TTLL8: variants seen among roughly 807,000 people sequenced by gnomAD.
The protein encoded by TTLL8 is protein monoglycylase TTLL8.
A neutral mutation model predicts 77.8 loss-of-function variants in TTLL8; 65 were observed. That is an observed-to-expected ratio of 0.84 (90% CI 0.68 to 1.03). TTLL8 has a LOEUF of 1.03. TTLL8 is among the 50% of genes least tolerant of loss of function. TTLL8 has a pLI of 0.00. For synonymous variants in TTLL8, 402 were observed against 422.8 expected (o/e 0.95, Z 0.60); for missense variants, 910 against 1,004.5 (o/e 0.91, Z 1.27).
At chr22:50,037,531 A>G (rs1464052686) in intron 8 of TTLL8, among the ~76,000 whole-genome samples, 1 of 152,160 alleles carries the variant, frequency 6.6e-6, no homozygotes, top group East Asian at 1.9e-4. Flanking sequence ...AACCTTTCAC[A>G]TATATGATAT....
At chr22:50,049,819 C>T (rs534427052) in intron 2 of TTLL8, among the ~76,000 whole-genome samples, 1 of 152,120 alleles carries the variant, frequency 6.6e-6, no homozygotes, top group African/African-American at 2.4e-5. Context: ...GGAGGGACAG[C>T]TGAGGCCGGG....
At chr22:50,028,453 G>A (rs1011030475) in intron 12 of TTLL8, among the ~76,000 whole-genome samples, 2 of 152,200 alleles carry the variant, frequency 1.3e-5, no homozygotes, top group African/African-American at 2.4e-5. Flanking sequence ...GGCCATAGCC[G>A]CGGGATTGCT....
chr22:50,021,878 ACTTCTC>A, intron 12 of TTLL8, among the ~76,000 whole-genome samples: 1 of 134,224 alleles, frequency 7.5e-6, no homozygotes, highest in South Asian at 2.6e-4. Context: ...GATGACATGC[ACTTCTC>A]CATCTGACGT....
At chr22:50,027,526 T>G in intron 12 of TTLL8, 1 of 678,512 alleles carries the variant, frequency 1.5e-6, no homozygotes, top group Non-Finnish European at 1.7e-6. Context: ...AGAATGAGAC[T>G]CCGTCTCAAA....
intron 12 of TTLL8, among the ~76,000 whole-genome samples, chr22:50,024,902 G>C (rs2061223022): frequency 6.6e-6 from 1 of 152,184 alleles, no homozygotes; most frequent in Admixed American, 6.5e-5. Flanking sequence ...GGCTGCTTTA[G>C]GTGCTGGGCT....
intron 8 of TTLL8, among the ~76,000 whole-genome samples, chr22:50,035,951 G>T (rs1261144976): frequency 1.3e-5 from 2 of 152,222 alleles, no homozygotes; most frequent in South Asian, 2.1e-4. Context: ...CCCCTGCTTT[G>T]GGGGGAGAAG....
At chr22:50,020,928 ACT>A (rs2061193630) in intron 12 of TTLL8, among the ~76,000 whole-genome samples, 1 of 112,534 alleles carries the variant, frequency 8.9e-6, no homozygotes. Flanking sequence ...CTGAATGTGT[ACT>A]CCTCCATCTG....
chr22:50,037,564 T>A (rs1219664216), intron 8 of TTLL8, among the ~76,000 whole-genome samples: 1 of 152,236 alleles, frequency 6.6e-6, no homozygotes, highest in African/African-American at 2.4e-5. Flanking sequence ...TTTGTGTATT[T>A]GTGAAGCAGA....
At chr22:50,022,471 C>T (rs1001058928) in intron 12 of TTLL8, among the ~76,000 whole-genome samples, 23 of 143,964 alleles carry the variant, frequency 1.6e-4, no homozygotes, top group Admixed American at 6.9e-4. Flanking sequence ...CTCCATCTGA[C>T]GTGTACTCCT....
chr22:50,040,401 T>C (rs1379303842), intron 8 of TTLL8, among the ~76,000 whole-genome samples: 3 of 152,268 alleles, frequency 2.0e-5, no homozygotes, highest in Non-Finnish European at 2.9e-5. Context: ...AGATTTCATG[T>C]TGGGCACAAG....
In TTLL8 at chr22:50,034,838, G is replaced by A. The variant is rs2061324860; in HGVS notation, c.922-376C>T. Among the ~76,000 whole-genome samples, 1 of 152,324 alleles carries A rather than the reference G, an allele frequency of 6.6e-6. No homozygotes were observed. Among genetic ancestry groups the A allele is most frequent in the Non-Finnish European group, 1.5e-5 (1 of 68,028 alleles). On this transcript the variant is annotated intron_variant, in intron 8 of 13. Coordinates refer to ENST00000266182, the Ensembl canonical transcript of TTLL8. This position sits in a 1 kb window ranked among gnomAD's most constrained non-coding sequence, Gnocchi z 4.1. ...CCACGCGGAAACGTGGGAGACACAG[G>A]CGGGGGCAGACGCAGCCATGCCCAG...
rs1375735933 is a variant in TTLL8 at position 50,047,306 on chromosome 22, A to G, written c.265-10T>C. 3.7e-6 allele frequency: 5 copies of G among 1,367,414 alleles called. No homozygotes were observed. In the Admixed American group the frequency reaches 7.6e-5, roughly 21 times the overall value. The allele number at this position is 1,367,414 out of a possible 1,614,324, so 84.7% of individuals were successfully genotyped here. A position where few individuals can be genotyped will look rare whatever the true frequency, so the allele number is the denominator to read the frequency against. On this transcript the variant is annotated splice_polypyrimidine_tract_variant and intron_variant, in intron 3 of 13. Coordinates refer to ENST00000266182, the Ensembl canonical transcript of TTLL8. ...TTTTTACCAACCTAGACTGGCAAGA[A>G]AAAAGTCTTTATTGATGCCCAGCAT...
At chr22:50,030,310 G>A in intron 12 of TTLL8, 120 bp downstream of exon 13, 1 of 1,113,242 alleles carries the variant, frequency 9.0e-7, no homozygotes. Flanking sequence ...GACACCCCGG[G>A]CCCCAGCACC....
intron 6 of TTLL8, among the ~76,000 whole-genome samples, chr22:50,042,416 T>C (rs1365883988): frequency 6.6e-6 from 1 of 152,186 alleles, no homozygotes; most frequent in Non-Finnish European, 1.5e-5. Context: ...GTTCAAGTGA[T>C]TCTCCTGCCT....
chr22:50,020,350 C>A lies in TTLL8; in HGVS notation c.2204-3788G>T, dbSNP rs866522802. Among the ~76,000 whole-genome samples, 30 of 109,390 alleles carry A rather than the reference C, an allele frequency of 2.7e-4. No homozygotes were observed. The South Asian group carries it at 7.3e-3, about 27-fold the overall frequency. 71.8% of individuals were successfully genotyped at this position (109,390 alleles called of 152,430 possible). ...ACGTGCACACCTCCATCTAACGTGCCCTCCTCCATCTGATGACGTGCACTC... is the reference window on the plus strand; with the variant it reads ...ACGTGCACACCTCCATCTAACGTGCACTCCTCCATCTGATGACGTGCACTC... On this transcript the variant is annotated intron_variant, in intron 12 of 13. Transcript: ENST00000266182.
intron 8 of TTLL8, among the ~76,000 whole-genome samples, chr22:50,036,002 G>A (rs983677072): frequency 2.6e-5 from 4 of 152,252 alleles, no homozygotes; most frequent in African/African-American, 4.8e-5. Flanking sequence ...GGAGCCCAGC[G>A]GAGCACCGCG....
chr22:50,035,755 C>T (rs2061331667), intron 8 of TTLL8, among the ~76,000 whole-genome samples: 1 of 152,226 alleles, frequency 6.6e-6, no homozygotes, highest in Admixed American at 6.5e-5. Flanking sequence ...GCCAAGGCCG[C>T]CCAGGATACC....
At chr22:50,031,768 C>A (rs2061295473) in exon 11 of TTLL8, 1 of 1,365,410 alleles carries the variant, frequency 7.3e-7, no homozygotes, top group African/African-American at 1.5e-5. Context: ...CACCTGTGCA[C>A]ACAGCTGGGC....
intron 8 of TTLL8, among the ~76,000 whole-genome samples, chr22:50,039,740 G>A (rs1270397342): frequency 6.6e-6 from 1 of 151,294 alleles, no homozygotes; most frequent in Non-Finnish European, 1.5e-5. Flanking sequence ...GACCCCACGT[G>A]TATCAGTGTG....
Sources: allele counts gnomAD v4.1 joint callset (sites outside exome capture counted in the v4.1 genomes callset), GRCh38; gene constraint gnomAD v4.1.1; non-coding constraint Gnocchi (gnomAD v3.1); transcripts MANE v1.5; gene names NCBI Gene and HGNC (gene_info 2026-07-23, HGNC 2026-07-21).